The following ATG10 variants were observed in gnomAD, a reference collection of about 807,000 sequenced individuals.
ATG10 encodes ubiquitin-like-conjugating enzyme ATG10.
Under a neutral mutation model 32.1 loss-of-function variants are expected in ATG10, and 30 were observed. The observed-to-expected ratio is 0.94, with a 90% CI of 0.70 to 1.27. ATG10 has a LOEUF of 1.27. Ranked by LOEUF, ATG10 falls within the 50% of genes most tolerant of loss-of-function variation. ATG10 has a pLI of 0.00. For synonymous variants in ATG10, 87 were observed against 91.5 expected, an observed-to-expected ratio of 0.95 and a Z score of 0.28; for missense variants, 233 against 262.3, an observed-to-expected ratio of 0.89 and a Z score of 0.77.
chr5:82,122,928 A>T (rs1178263365), intron 3 of ATG10, among the ~76,000 whole-genome samples: 6 of 152,224 alleles, frequency 3.9e-5, no homozygotes, highest in Non-Finnish European at 8.8e-5. Flanking sequence ...AATTAGTTCA[A>T]CCATTGTGAA....
At chr5:82,001,915 A>G (rs759515554) in intron 2 of ATG10, among the ~76,000 whole-genome samples, 14 of 152,194 alleles carry the variant, frequency 9.2e-5, no homozygotes, top group Admixed American at 5.9e-4. Context: ...TCCGGAGTCT[A>G]TAAGGAATTT....
intron 5 of ATG10, among the ~76,000 whole-genome samples, chr5:82,231,118 C>G (rs1178004043): frequency 1.3e-5 from 2 of 152,174 alleles, no homozygotes; most frequent in Non-Finnish European, 2.9e-5. Flanking sequence ...AATCAAGGTT[C>G]ATCTCATGAG....
chr5:82,103,592 C>A (rs1765350213), intron 3 of ATG10, among the ~76,000 whole-genome samples: 1 of 151,766 alleles, frequency 6.6e-6, no homozygotes, highest in Middle Eastern at 3.2e-3. Flanking sequence ...TTAAGAAACC[C>A]ATACTCAGTT....
At chr5:82,014,489 C>G (rs1005795598) in intron 2 of ATG10, among the ~76,000 whole-genome samples, 1 of 152,144 alleles carries the variant, frequency 6.6e-6, no homozygotes, top group Non-Finnish European at 1.5e-5. Context: ...TCTCTAAGGA[C>G]TTGCTTTATG....
intron 4 of ATG10, among the ~76,000 whole-genome samples, chr5:82,168,962 A>G (rs1743687874): frequency 6.6e-6 from 1 of 152,156 alleles, no homozygotes; most frequent in Non-Finnish European, 1.5e-5. Context: ...AACAACTTGT[A>G]GAGGACAGCC....
At chr5:82,215,571 A>G in intron 5 of ATG10, among the ~76,000 whole-genome samples, 1 of 152,224 alleles carries the variant, frequency 6.6e-6, no homozygotes, top group East Asian at 1.9e-4. Context: ...TTGTTAAGAA[A>G]CATCAGCTCA....
intron 3 of ATG10, among the ~76,000 whole-genome samples, chr5:82,133,627 C>A (rs1445176885): frequency 1.3e-5 from 2 of 152,012 alleles, no homozygotes; most frequent in Non-Finnish European, 2.9e-5. Context: ...TTACCGTAGC[C>A]TTGTAGTGTA....
At chr5:82,201,304 G>A (rs979722795) in intron 5 of ATG10, among the ~76,000 whole-genome samples, 1 of 152,118 alleles carries the variant, frequency 6.6e-6, no homozygotes, top group African/African-American at 2.4e-5. Flanking sequence ...TTAAGCTTAT[G>A]TCTAGGATTT....
intron 3 of ATG10, among the ~76,000 whole-genome samples, chr5:82,127,561 C>T (rs761417559): frequency 6.6e-6 from 1 of 152,114 alleles, no homozygotes; most frequent in Non-Finnish European, 1.5e-5. Flanking sequence ...CATTCAGGAG[C>T]AGGTTGTTCA....
At chr5:81,982,450 A>AAAAAC (rs965216647) in intron 1 of ATG10, among the ~76,000 whole-genome samples, 8 of 152,352 alleles carry the variant, frequency 5.3e-5, no homozygotes, top group East Asian at 3.9e-4. Flanking sequence ...TCCGTCTCCA[A>AAAAAC]AAAACAAAAC....
intron 2 of ATG10, among the ~76,000 whole-genome samples, chr5:82,000,987 A>G (rs771519123): frequency 5.3e-5 from 8 of 152,126 alleles, no homozygotes; most frequent in East Asian, 1.9e-4. Context: ...TGCACCAACA[A>G]TATCCAAGCT....
intron 3 of ATG10, among the ~76,000 whole-genome samples, chr5:82,123,128 G>A (rs1766113313): frequency 6.6e-6 from 1 of 152,212 alleles, no homozygotes; most frequent in Non-Finnish European, 1.5e-5. Context: ...ATCAATGACA[G>A]ATAGGATAAA....
At chr5:82,040,912 TGCAA>T (rs1763066260) in intron 2 of ATG10, among the ~76,000 whole-genome samples, 2 of 152,236 alleles carry the variant, frequency 1.3e-5, no homozygotes, top group South Asian at 4.1e-4. Context: ...ACAGGACCTT[TGCAA>T]AGTTATTTTC....
intron 3 of ATG10, among the ~76,000 whole-genome samples, chr5:82,061,924 G>T (rs1763795695): frequency 6.8e-6 from 1 of 148,106 alleles, no homozygotes; most frequent in Non-Finnish European, 1.5e-5. Flanking sequence ...CTAATTCCTG[G>T]GCTCAAGTGA....
chr5:82,021,080 AT>A (rs913026208), intron 2 of ATG10, among the ~76,000 whole-genome samples: 4 of 151,990 alleles, frequency 2.6e-5, no homozygotes, highest in African/African-American at 7.3e-5. Flanking sequence ...AACAGAAGTC[AT>A]TTTTTTTAAT....
chr5:82,004,889 C>G (rs1169320260), intron 2 of ATG10, among the ~76,000 whole-genome samples: 1 of 152,194 alleles, frequency 6.6e-6, no homozygotes, highest in Non-Finnish European at 1.5e-5. Context: ...AATTAATTCT[C>G]AAAATGGCAC....
intron 5 of ATG10, among the ~76,000 whole-genome samples, chr5:82,222,584 A>C (rs1332112528): frequency 1.3e-5 from 2 of 152,230 alleles, no homozygotes; most frequent in Non-Finnish European, 2.9e-5. Context: ...CATAAGCTCA[A>C]ATAACAAATG....
At chr5:81,973,988 A>C (rs547119484) in intron 1 of ATG10, among the ~76,000 whole-genome samples, 7 of 152,328 alleles carry the variant, frequency 4.6e-5, no homozygotes, top group Admixed American at 3.3e-4. Flanking sequence ...TGGGCCATTC[A>C]AGTTATGTAT....
At chr5:81,993,360 C>CTTCCTTCTTTCTT in intron 2 of ATG10, among the ~76,000 whole-genome samples, 3 of 46,798 alleles carry the variant, frequency 6.4e-5, no homozygotes, top group Non-Finnish European at 1.2e-4. Flanking sequence ...TCTTTCTTTC[C>CTTCCTTCTTTCTT]TTCTTTTCTT....
Sources: gnomAD v4.1 joint callset for allele counts (sites outside exome capture counted in the v4.1 genomes callset) on GRCh38, gnomAD v4.1.1 for gene constraint, MANE v1.5 for transcripts, NCBI Gene and HGNC (gene_info 2026-07-23, HGNC 2026-07-21) for gene names.